The following PIGL variants were observed in gnomAD, a reference collection of about 807,000 sequenced individuals.
PIGL encodes N-acetylglucosaminyl-phosphatidylinositol de-N-acetylase.
Under a neutral mutation model 31.1 loss-of-function variants are expected in PIGL, and 22 were observed. The ratio of observed to expected loss-of-function variants is 0.71; its 90% CI spans 0.51 to 1.01. PIGL has a LOEUF of 1.01. Among genes scored for constraint, PIGL ranks in the 50% least tolerant of loss-of-function variants. The probability of loss-of-function intolerance (pLI) is 0.00; values close to 1 mark genes in which losing one functional copy is unlikely to be tolerated. For synonymous variants in PIGL, 131 were observed against 117.4 expected, an observed-to-expected ratio of 1.12 and a Z score of -0.75; for missense variants, 302 against 315.9, an observed-to-expected ratio of 0.96 and a Z score of 0.33.
intron 2 of PIGL, among the ~76,000 whole-genome samples, chr17:16,249,135 A>C (rs773083959): frequency 5.3e-5 from 8 of 152,224 alleles, no homozygotes; most frequent in African/African-American, 9.6e-5. Flanking sequence ...CTGTGGTCTA[A>C]AAATATTAAA....
At position 16,308,339 on chromosome 17, in the gene PIGL, A is replaced by G. The variant is rs572771470; in HGVS notation, c.427-5208A>G. On this transcript the variant is annotated intron_variant, in intron 3 of 6. Coordinates refer to ENST00000225609, the MANE Select transcript of PIGL (RefSeq NM_004278.4). ...AGGGTGAAACTCCGTCTCAAAAAAA[A>G]AGAAAATTACAAAGCTGCCATCCTT... Among the ~76,000 whole-genome samples the G allele has an allele frequency of 7.2e-5, 11 of 152,254 alleles. 1 individual carries two copies. Among genetic ancestry groups the G allele is most frequent in the Admixed American group, 7.2e-4 (11 of 15,294 alleles).
chr17:16,246,907 T>C (rs1280191351), intron 2 of PIGL, among the ~76,000 whole-genome samples: 1 of 151,268 alleles, frequency 6.6e-6, no homozygotes, highest in East Asian at 2.0e-4. Context: ...GCCAGGATGG[T>C]CTCGATCTCC....
intron 2 of PIGL, among the ~76,000 whole-genome samples, chr17:16,264,444 C>A (rs1376122901): frequency 2.0e-5 from 3 of 151,894 alleles, no homozygotes; most frequent in African/African-American, 7.3e-5. Flanking sequence ...CCACACATGG[C>A]CTATATAAAT....
chr17:16,313,838 C>G (rs538941336), intron 4 of PIGL, among the ~76,000 whole-genome samples: 2 of 152,290 alleles, frequency 1.3e-5, no homozygotes, highest in East Asian at 3.9e-4. Flanking sequence ...TCCTAAACAG[C>G]TGAATTCTTT....
chr17:16,261,768 A>AT (rs1018261167), intron 2 of PIGL, among the ~76,000 whole-genome samples: 1 of 151,784 alleles, frequency 6.6e-6, no homozygotes. Context: ...TGCCTGGCTA[A>AT]TTTTTTTGTA....
chr17:16,285,369 G>A (rs1375855410), intron 2 of PIGL, among the ~76,000 whole-genome samples: 1 of 151,306 alleles, frequency 6.6e-6, no homozygotes, highest in East Asian at 1.9e-4. Flanking sequence ...GGTGGATCAC[G>A]AGGTCAGGAG....
At chr17:16,240,737 G>A (rs570685385) in intron 2 of PIGL, among the ~76,000 whole-genome samples, 46 of 151,744 alleles carry the variant, frequency 3.0e-4, no homozygotes, top group Admixed American at 9.8e-4. Flanking sequence ...CTGGACTCAA[G>A]CAGTCTCCCA....
chr17:16,239,845 G>A (rs925263472), intron 2 of PIGL, among the ~76,000 whole-genome samples: 1 of 152,012 alleles, frequency 6.6e-6, no homozygotes, highest in African/African-American at 2.4e-5. Flanking sequence ...TTTAGGCAGT[G>A]GTGCAATCTT....
intron 2 of PIGL, among the ~76,000 whole-genome samples, chr17:16,252,742 G>A (rs1165277737): frequency 6.6e-6 from 1 of 152,090 alleles, no homozygotes; most frequent in African/African-American, 2.4e-5. Flanking sequence ...TATTTGATAA[G>A]TTCAAAGCAT....
At chr17:16,321,972 C>T (rs935809386) in intron 6 of PIGL, among the ~76,000 whole-genome samples, 1 of 152,028 alleles carries the variant, frequency 6.6e-6, no homozygotes, top group Non-Finnish European at 1.5e-5. Context: ...TTAGTACAGA[C>T]AGGGTTTCCC....
intron 1 of PIGL, among the ~76,000 whole-genome samples, chr17:16,233,567 A>T (rs568671355): frequency 2.6e-5 from 4 of 152,256 alleles, no homozygotes; most frequent in Admixed American, 2.6e-4. Context: ...CTTCATCCTT[A>T]AATCAATGTT....
chr17:16,235,546 A>G (rs530643256), intron 2 of PIGL, among the ~76,000 whole-genome samples: 1 of 144,646 alleles, frequency 6.9e-6, no homozygotes, highest in East Asian at 2.0e-4. Flanking sequence ...TCCTGGATTC[A>G]AGCGGTTCTC....
chr17:16,325,332 CAAAAAAAAAAA>C (rs55958956), intron 6 of PIGL, among the ~76,000 whole-genome samples: 1 of 69,278 alleles, frequency 1.4e-5, no homozygotes, highest in Non-Finnish European at 2.7e-5. Flanking sequence ...GCAACAGGCT[CAAAAAAAAAAA>C]AAAAAAAAAA....
chr17:16,265,441 A>T (rs749358610), intron 2 of PIGL, among the ~76,000 whole-genome samples: 2 of 152,124 alleles, frequency 1.3e-5, no homozygotes, highest in African/African-American at 2.4e-5. Context: ...CCTAACTGGC[A>T]TCAAGAATCA....
At position 16,326,402 on chromosome 17, in the gene PIGL, A is replaced by G. The variant is rs1345011586; in HGVS notation, c.*504A>G. On this transcript the variant is annotated 3_prime_UTR_variant, in exon 7 of 7. Coordinates refer to ENST00000225609, the MANE Select transcript of PIGL (RefSeq NM_004278.4). ...TGTGGGTCTAGGAAAAACTTGCTCT[A>G]TTTAACAGGACAGCTCTGATTGAAG... 1 of 157,724 alleles carries G rather than the reference A, an allele frequency of 6.3e-6. No individual in the cohort carries two copies. 9.8% of individuals were successfully genotyped at this position (157,724 alleles called of 1,614,324 possible).
At chr17:16,292,348 C>T (rs1305855073) in intron 2 of PIGL, among the ~76,000 whole-genome samples, 1 of 151,456 alleles carries the variant, frequency 6.6e-6, no homozygotes, top group Non-Finnish European at 1.5e-5. Context: ...ATAAATTGTA[C>T]TTATTAGTTT....
chr17:16,251,783 T>C (rs1475998081), intron 2 of PIGL, among the ~76,000 whole-genome samples: 3 of 151,786 alleles, frequency 2.0e-5, no homozygotes, highest in African/African-American at 7.3e-5. Flanking sequence ...GTGAAAGGTA[T>C]AGGAAATGAA....
rs1331200649 is a variant in PIGL, at chr17:16,217,553, C to A, written c.235+92C>A. 5.0e-6 allele frequency: 5 copies of A among 1,005,910 alleles called. No individual in the cohort carries two copies. In the East Asian group the frequency reaches 1.2e-4, roughly 25 times the overall value. 62.3% of individuals were successfully genotyped at this position (1,005,910 alleles called of 1,614,324 possible). On this transcript the variant is annotated intron_variant, in intron 1 of 6. Coordinates refer to ENST00000225609, the MANE Select transcript of PIGL (RefSeq NM_004278.4). The stretch of plus-strand genomic sequence containing the variant: ...CAGTCGCCTTCTTCTCGAAGTTTTC[C>A]GTAGGGAGCTAAGTGAATACACCGA...
chr17:16,243,751 A>G (rs2092732762), intron 2 of PIGL, among the ~76,000 whole-genome samples: 1 of 152,012 alleles, frequency 6.6e-6, no homozygotes, highest in Non-Finnish European at 1.5e-5. Context: ...GAGTGTTGTG[A>G]TTTGTTTTTT....
Sources: allele counts gnomAD v4.1 joint callset (sites outside exome capture counted in the v4.1 genomes callset), GRCh38; gene constraint gnomAD v4.1.1; transcripts MANE v1.5; gene names NCBI Gene and HGNC (gene_info 2026-07-23, HGNC 2026-07-21).